Variants in SFTPD observed in about 807,000 individuals in gnomAD.
The protein encoded by SFTPD is pulmonary surfactant-associated protein D.
SFTPD carries 18 observed loss-of-function variants against 34.6 expected under a neutral mutation model. That is an observed-to-expected ratio of 0.52 (90% confidence interval 0.36 to 0.77). The LOEUF is 0.77. Among genes scored for constraint, SFTPD ranks in the 30% least tolerant of loss-of-function variants. The pLI, the probability that SFTPD is intolerant of heterozygous loss-of-function variation, is 0.00. For missense variants in SFTPD, 433 were observed against 468.9 expected, an observed-to-expected ratio of 0.92 and a Z score of 0.71; for synonymous variants, 155 against 180.9, an observed-to-expected ratio of 0.86 and a Z score of 1.15.
chr10:79,976,814 AT>A (rs1842866388), intron 1 of SFTPD, among the ~76,000 whole-genome samples: 1 of 152,188 alleles, frequency 6.6e-6, no homozygotes, highest in Non-Finnish European at 1.5e-5. Flanking sequence ...GTTGAATTGT[AT>A]CTCCCAGAAT....
intron 1 of SFTPD, among the ~76,000 whole-genome samples, chr10:79,957,918 C>G (rs879715485): frequency 1.5e-4 from 23 of 152,208 alleles, no homozygotes; most frequent in Non-Finnish European, 2.9e-4. Context: ...GGGTTACCCA[C>G]AACGGGAAGC....
intron 1 of SFTPD, among the ~76,000 whole-genome samples, chr10:79,977,210 A>T (rs1159524806): frequency 6.6e-6 from 1 of 152,174 alleles, no homozygotes; most frequent in Non-Finnish European, 1.5e-5. Context: ...CCAAGGATTT[A>T]TTCTTTAGCA....
At chr10:79,968,057 T>C (rs1369908941) in intron 1 of SFTPD, among the ~76,000 whole-genome samples, 1 of 151,806 alleles carries the variant, frequency 6.6e-6, no homozygotes, top group Admixed American at 6.6e-5. Context: ...TGATACATAA[T>C]AGTTGTACAT....
chr10:79,951,040 G>A (rs1842706926), upstream of SFTPD: 1 of 151,358 alleles, frequency 6.6e-6, no homozygotes, highest in African/African-American at 2.4e-5. Flanking sequence ...GTTCTATTTG[G>A]TTTTTGTTTT....
chr10:79,946,863 G>T (rs1842671192), intron 1 of SFTPD, among the ~76,000 whole-genome samples: 1 of 152,208 alleles, frequency 6.6e-6, no homozygotes, highest in Non-Finnish European at 1.5e-5. Context: ...GAGTTACCCA[G>T]CTGGAACTCT....
chr10:79,964,093 C>G (rs1400089693), intron 1 of SFTPD, among the ~76,000 whole-genome samples: 1 of 152,112 alleles, frequency 6.6e-6, no homozygotes, highest in African/African-American at 2.4e-5. Context: ...ACTCTGCCCC[C>G]CTCCACTACC....
intron 1 of SFTPD, chr10:79,982,274 G>A: frequency 1.0e-6 from 1 of 984,470 alleles, no homozygotes; most frequent in Non-Finnish European, 1.3e-6. Flanking sequence ...GGGCGCTCGG[G>A]CCACCGCGGG....
At chr10:79,954,573 G>A (rs1842728661) in intron 1 of SFTPD, among the ~76,000 whole-genome samples, 1 of 152,192 alleles carries the variant, frequency 6.6e-6, no homozygotes, top group Non-Finnish European at 1.5e-5. Context: ...GGGGTCTGCA[G>A]GTGGGCAGGT....
At chr10:79,949,572 GT>G, upstream of SFTPD, among the ~76,000 whole-genome samples, 2 of 152,354 alleles carry the variant, frequency 1.3e-5, no homozygotes, top group African/African-American at 4.8e-5. Context: ...CTGGGCAGGG[GT>G]GGGGCAGGTA....
chr10:79,953,672 T>C (rs1842723519), upstream of SFTPD, among the ~76,000 whole-genome samples: 2 of 152,122 alleles, frequency 1.3e-5, no homozygotes, highest in African/African-American at 4.8e-5. Flanking sequence ...AATCTAGATA[T>C]CTGTTTCCTT....
chr10:79,974,521 G>C (rs186579263), intron 1 of SFTPD, among the ~76,000 whole-genome samples: 6 of 152,176 alleles, frequency 3.9e-5, no homozygotes, highest in Non-Finnish European at 8.8e-5. Flanking sequence ...ATATTTTCAA[G>C]AGTGATGTGA....
chr10:79,942,996 G>A (rs187028569), intron 2 of SFTPD, 117 bp from the exon 3 acceptor site: 116 of 678,522 alleles, frequency 1.7e-4, no homozygotes, highest in Middle Eastern at 3.6e-4. Context: ...GACTTCCACC[G>A]TCACACACCC....
At chr10:79,962,408 T>C (rs1295527737) in intron 1 of SFTPD, among the ~76,000 whole-genome samples, 1 of 152,196 alleles carries the variant, frequency 6.6e-6, no homozygotes, top group Non-Finnish European at 1.5e-5. Context: ...GTGCTCTGTG[T>C]ATGTAAATAT....
At chr10:79,939,141 CAT>C (rs1027770011) in intron 7 of SFTPD, among the ~76,000 whole-genome samples, 5 of 152,100 alleles carry the variant, frequency 3.3e-5, no homozygotes, top group African/African-American at 9.7e-5. Context: ...TCCATTTCCT[CAT>C]CTCTAAAATG....
chr10:79,953,832 T>C (rs1182111471), upstream of SFTPD, among the ~76,000 whole-genome samples: 1 of 152,098 alleles, frequency 6.6e-6, no homozygotes, highest in Non-Finnish European at 1.5e-5. Flanking sequence ...CCATAGGCTT[T>C]CTTTACTCTT....
At chr10:79,975,174 C>T (rs1842857940) in intron 1 of SFTPD, among the ~76,000 whole-genome samples, 1 of 152,196 alleles carries the variant, frequency 6.6e-6, no homozygotes, top group East Asian at 1.9e-4. Context: ...CGAACAGTCA[C>T]TGGGGCAACT....
intron 2 of SFTPD, among the ~76,000 whole-genome samples, chr10:79,944,832 T>G (rs75409925): frequency 0.01 from 1,584 of 152,170 alleles, 31 homozygotes; most frequent in African/African-American, 0.036. Context: ...AGCTTCACCC[T>G]CCACCCCTGC....
chr10:79,950,137 C>T (rs1456328305), upstream of SFTPD: 9 of 152,132 alleles, frequency 5.9e-5, no homozygotes, highest in African/African-American at 2.2e-4. Flanking sequence ...GCCATCATAC[C>T]CAGCACCAAT....
chr10:79,974,676 A>G (rs1187204572), intron 1 of SFTPD, among the ~76,000 whole-genome samples: 1 of 152,214 alleles, frequency 6.6e-6, no homozygotes, highest in Non-Finnish European at 1.5e-5. Context: ...TACTTCAACA[A>G]TCCCGTCACC....
Sources: allele counts gnomAD v4.1 joint callset (sites outside exome capture counted in the v4.1 genomes callset), GRCh38; gene constraint gnomAD v4.1.1; transcripts MANE v1.5; gene names NCBI Gene and HGNC (gene_info 2026-07-23, HGNC 2026-07-21).